MORC2: variants seen among roughly 807,000 people sequenced by gnomAD.
MORC2 encodes the protein MORC family CW-type zinc finger 2.
A neutral mutation model predicts 136.0 loss-of-function variants in MORC2; 30 were observed. The ratio of observed to expected loss-of-function variants is 0.22; its 90% confidence interval spans 0.17 to 0.30. The LOEUF is 0.30. MORC2 is among the 10% of genes least tolerant of loss of function. MORC2 has a pLI of 1.00. For synonymous variants in MORC2, 439 were observed against 487.0 expected, an observed-to-expected ratio of 0.90 and a Z score of 1.30; for missense variants, 922 against 1,333.1, an observed-to-expected ratio of 0.69 and a Z score of 4.80.
chr22:30,939,418 G>A lies in MORC2; in HGVS notation c.1073+203C>T, dbSNP rs149108172. On this transcript the variant is annotated intron_variant, in intron 12 of 25. Coordinates refer to ENST00000397641, the MANE Select transcript of MORC2 (RefSeq NM_001303256.3). ...GTGCCAAAGGATGGTTTTGGTGCTC[G>A]AGCCGAGGTTGTCAGCCCTGCCCTG... 4.6e-5 allele frequency among the ~76,000 whole-genome samples: 7 copies of A among 152,276 alleles called. No homozygotes were observed. In the East Asian group the frequency reaches 1.4e-3, roughly 29 times the overall value.
At chr22:30,954,420 T>C (rs2040935965) in intron 3 of MORC2, among the ~76,000 whole-genome samples, 2 of 152,248 alleles carry the variant, frequency 1.3e-5, no homozygotes, top group African/African-American at 4.8e-5. Flanking sequence ...CAAAATGCTA[T>C]GGTGCTTAGT....
At position 30,941,014 on chromosome 22, in the gene MORC2, C is replaced by T. The variant is rs1311364696; in HGVS notation, c.825-177G>A. ...AAGGTGCAGTTCCTTATTCCACTTG[C>T]CCTTAGCCTCCTGCTGTCTTTGATA... is the stretch of plus-strand genomic sequence containing the variant. On this transcript the variant is annotated intron_variant, in intron 9 of 25. Coordinates refer to ENST00000397641, the MANE Select transcript of MORC2 (RefSeq NM_001303256.3). The surrounding 1 kb of genome is among the most constrained non-coding windows in gnomAD (Gnocchi z 4.6). 6.6e-6 allele frequency among the ~76,000 whole-genome samples: 1 copy of T among 152,150 alleles called. No individual in the cohort carries two copies. The highest frequency in any genetic ancestry group is 1.5e-5 in the Non-Finnish European group (1 of 68,038).
At chr22:30,951,350 T>C (rs1254414347) in intron 3 of MORC2, among the ~76,000 whole-genome samples, 3 of 152,196 alleles carry the variant, frequency 2.0e-5, no homozygotes, top group Non-Finnish European at 2.9e-5. Flanking sequence ...GATTCCCAAA[T>C]ATGGAAACAG....
At position 30,935,073 on chromosome 22, in the gene MORC2, G is replaced by A. The variant is rs757425274; in HGVS notation, c.1901C>T (p.Thr634Ile). The change falls in exon 19 of 26, where the codon ACT (threonine) becomes ATT (isoleucine). Residue 634 changes from threonine (T) to isoleucine (I), a missense_variant. By Grantham distance (89) the Thr-to-Ile change is moderately conservative (BLOSUM62 -1). Transcript: ENST00000397641. ...TCGGGGCTGGCTGGCTGGTCTAGGA[G>A]TTGGCAAAGAAGGGGGTCTGCTGGG... ...NAPSRPPSLPTPRPASQPRKA... is the reference protein window; with the variant it reads ...NAPSRPPSLPIPRPASQPRKA... 3.1e-6 allele frequency: 5 copies of A among 1,614,010 alleles called. No homozygotes were observed. Among genetic ancestry groups the A allele is most frequent in the Admixed American group, 3.3e-5 (2 of 60,012 alleles).
At position 30,925,170 on chromosome 22, in the gene MORC2, C is replaced by A. The variant is rs574956905; in HGVS notation, c.*1633G>T. 1 of 311,812 alleles carries A rather than the reference C, an allele frequency of 3.2e-6. No homozygotes were observed. Among genetic ancestry groups the A allele is most frequent in the African/African-American group, 2.2e-5 (1 of 45,880 alleles). The allele number at this position is 311,812 out of a possible 1,614,324, so 19.3% of individuals were successfully genotyped here. ...AGTAGAACTTTATAGTATTGCGTTT[C>A]GATTACATGTGTGTGAATTTTAAAA... On this transcript the variant is annotated 3_prime_UTR_variant, in exon 26 of 26. Transcript: ENST00000397641.
intron 6 of MORC2, among the ~76,000 whole-genome samples, chr22:30,944,194 G>A (rs1397596957): frequency 1.3e-5 from 2 of 152,110 alleles, no homozygotes. Context: ...ATCCAAAATA[G>A]CGACCTTCTA....
chr22:30,928,210 GT>G lies in MORC2; in HGVS notation c.2842-4del. 6.2e-7 allele frequency: 1 copy of G among 1,614,098 alleles called. No individual in the cohort carries two copies. Among genetic ancestry groups the G allele is most frequent in the Non-Finnish European group, 8.5e-7 (1 of 1,180,006 alleles). On this transcript the variant is annotated splice_region_variant and splice_polypyrimidine_tract_variant and intron_variant, in intron 24 of 25. Transcript: ENST00000397641. ...TCATATTGCTTGAAGTACTCCTTCT[GT>G]TGGGAGCAGAGCAAGAGGGAGAGTG...
Position 30,968,436 on chromosome 22 carries a change from C to A in MORC2, c.-547G>T, listed in dbSNP as rs1365715301. ...AAGATGTCGACGGAGTGTTATATGG[C>A]GCAAGTTGCAGCTTCACCACCTCCC... is the stretch of plus-strand genomic sequence containing the variant. On this transcript the variant is annotated 5_prime_UTR_variant, in exon 1 of 26. Transcript: ENST00000397641. The A allele has an allele frequency of 6.6e-6, 1 of 152,608 alleles. No individual in the cohort carries two copies. The highest frequency in any genetic ancestry group is 1.5e-5 in the Non-Finnish European group (1 of 68,348). The allele number at this position is 152,608 out of a possible 1,614,324, so 9.5% of individuals were successfully genotyped here.
chr22:30,944,673 A>G (rs1309570885), intron 6 of MORC2, among the ~76,000 whole-genome samples: 4 of 152,102 alleles, frequency 2.6e-5, no homozygotes, highest in South Asian at 2.1e-4. Flanking sequence ...ATTCTTCCCA[A>G]TTCCAGAGAC....
chr22:30,965,047 C>T (rs941602860), intron 1 of MORC2, among the ~76,000 whole-genome samples: 4 of 152,208 alleles, frequency 2.6e-5, no homozygotes, highest in Non-Finnish European at 5.9e-5. Flanking sequence ...AACTGAGATT[C>T]AAGAACTTGA....
chr22:30,946,475 TA>T, intron 5 of MORC2, 26 bp from the exon 6 acceptor site: 4 of 1,571,440 alleles, frequency 2.5e-6, no homozygotes, highest in Non-Finnish European at 3.5e-6. Flanking sequence ...AAATGGGTGT[TA>T]TTCTCCCAGG....
At chr22:30,940,460 A>G (rs1376238352) in intron 10 of MORC2, among the ~76,000 whole-genome samples, 1 of 152,194 alleles carries the variant, frequency 6.6e-6, no homozygotes, top group Non-Finnish European at 1.5e-5. Flanking sequence ...AGGAAAAGCA[A>G]TTTCACAAGT....
chr22:30,966,929 C>A (rs1316264572), intron 1 of MORC2: 3 of 197,170 alleles, frequency 1.5e-5, no homozygotes, highest in Non-Finnish European at 2.7e-5. Flanking sequence ...TCTTCTCCAT[C>A]AAAAGCTAAA....
At chr22:30,964,536 G>A (rs547755937) in intron 1 of MORC2, among the ~76,000 whole-genome samples, 9 of 152,200 alleles carry the variant, frequency 5.9e-5, no homozygotes, top group African/African-American at 2.2e-4. Context: ...TATGCCAAAG[G>A]AACATCACTA....
Position 30,926,832 on chromosome 22 carries a change from T to C in MORC2, c.3070A>G (p.Ile1024Val). Residue 1024 changes from isoleucine (I) to valine (V), a missense_variant, in exon 26 of 26, where the codon ATT becomes GTT. Around this residue, in one of 9 missense-constraint regions of MORC2, gnomAD observed 263 missense variants for 388.3 expected, o/e 0.68. Transcript: ENST00000397641. The stretch of plus-strand genomic sequence containing the variant: ...TCCCCCTTGGTGATGAGGTCCTCAA[T>C]GTAGGCGTCCAGCTCATCATCTGTG... Reference protein sequence around the residue: ...INTDDELDAYIEDLITKGD With the variant: ...INTDDELDAYVEDLITKGD The C allele has an allele frequency of 6.2e-7, 1 of 1,613,848 alleles. No individual in the cohort carries two copies. Among genetic ancestry groups the C allele is most frequent in the South Asian group, 1.1e-5 (1 of 91,078 alleles).
At chr22:30,943,692 G>T (rs2147270062) in intron 6 of MORC2, among the ~76,000 whole-genome samples, 1 of 152,216 alleles carries the variant, frequency 6.6e-6, no homozygotes, top group South Asian at 2.1e-4. Flanking sequence ...ACAAGTGCTG[G>T]GGTGACAAAC....
At chr22:30,958,610 A>G in intron 2 of MORC2, 31 bp downstream of exon 2, 1 of 1,524,392 alleles carries the variant, frequency 6.6e-7, no homozygotes, top group African/African-American at 1.4e-5. Flanking sequence ...TTCCACTTCA[A>G]GCACAGATTG....
intron 3 of MORC2, among the ~76,000 whole-genome samples, chr22:30,956,434 C>T (rs1042069872): frequency 6.6e-6 from 1 of 152,230 alleles, no homozygotes; most frequent in African/African-American, 2.4e-5. Context: ...CCACAAACCT[C>T]GTTCACCTAT....
chr22:30,933,153 C>A, intron 21 of MORC2, 123 bp from the exon 22 acceptor site: 1 of 1,380,350 alleles, frequency 7.2e-7, no homozygotes, highest in Non-Finnish European at 9.9e-7. Flanking sequence ...TGCTTGCCCC[C>A]ACTACACCAG....
Sources: gnomAD v4.1 joint callset for allele counts (sites outside exome capture counted in the v4.1 genomes callset) on GRCh38, gnomAD v4.1.1 for gene constraint, gnomAD v4.1.1 regional missense constraint, Gnocchi (gnomAD v3.1) non-coding constraint, MANE v1.5 for transcripts, NCBI Gene and HGNC (gene_info 2026-07-23, HGNC 2026-07-21) for gene names.